The following CEP63 variants were observed in gnomAD, a reference collection of about 807,000 sequenced individuals.
CEP63 encodes the protein centrosomal protein of 63 kDa.
In CEP63, 84 loss-of-function variants were observed where a neutral mutation model predicts 89.1. That is an observed-to-expected ratio of 0.94 (90% CI 0.79 to 1.13). The LOEUF (loss-of-function observed/expected upper bound fraction) is 1.13. CEP63 is among the 50% of genes most tolerant of loss of function. CEP63 has a pLI of 0.00. For missense variants in CEP63, 838 were observed against 813.3 expected (o/e 1.03, Z -0.37); for synonymous variants, 267 against 272.5 (o/e 0.98, Z 0.20).
At position 134,562,241 on chromosome 3, in the gene CEP63, A is replaced by G; in HGVS notation, c.*706A>G. On this transcript the variant is annotated 3_prime_UTR_variant, in exon 15 of 15. Coordinates refer to ENST00000675561, the MANE Select transcript of CEP63 (RefSeq NM_001353108.3). ...GGACAAGTTTAGATGGGAGACAAAG[A>G]TCTGGATGTTGATGTGCCGCAGGCA... 1 of 983,440 alleles carries G rather than the reference A, an allele frequency of 1.0e-6. No individual in the cohort carries two copies. Among genetic ancestry groups the G allele is most frequent in the Non-Finnish European group, 1.2e-6 (1 of 827,842 alleles). 60.9% of individuals were successfully genotyped at this position (983,440 alleles called of 1,614,324 possible).
chr3:134,550,171 A>G lies in CEP63; in HGVS notation c.1291A>G (p.Ile431Val), dbSNP rs200076264. The G allele has an allele frequency of 5.0e-6, 8 of 1,612,256 alleles. No homozygotes were observed. In the African/African-American group the frequency reaches 6.7e-5, roughly 13 times the overall value. ...GGAGTTACATCAGCGAGATATCACT[A>G]TTGCTTCCACCAAAGGTTCTTCCTC... ...TQELHQRDIT[I>V]ASTKGSSSDM... The change falls in exon 11 of 15, where the codon ATT (isoleucine) becomes GTT (valine). Residue 431 changes from isoleucine (I) to valine (V), a missense_variant. Ile to Val is a conservative substitution (Grantham distance 29, BLOSUM62 3). Coordinates refer to ENST00000675561, the MANE Select transcript of CEP63 (RefSeq NM_001353108.3).
chr3:134,604,973 T>C, the CEP63 span, among the ~76,000 whole-genome samples: 1 of 152,062 alleles, frequency 6.6e-6, no homozygotes, highest in East Asian at 1.9e-4. Flanking sequence ...CCTGAGACTG[T>C]GCATAGGAGG....
At chr3:134,662,742 T>TAGCG in the CEP63 span, among the ~76,000 whole-genome samples, 6 of 152,222 alleles carry the variant, frequency 3.9e-5, no homozygotes, top group Non-Finnish European at 5.9e-5. Context: ...ACTTGACAGA[T>TAGCG]AGCGTCTGGG....
intron 12 of CEP63, chr3:134,553,648 G>A (rs1489787046): frequency 3.9e-5 from 6 of 152,166 alleles, no homozygotes; most frequent in African/African-American, 1.2e-4. Context: ...TATAGCCAGT[G>A]TTAGAAAGAT....
chr3:134,721,096 A>G, the CEP63 span, among the ~76,000 whole-genome samples: 18 of 152,126 alleles, frequency 1.2e-4, no homozygotes, highest in African/African-American at 3.9e-4. Context: ...CTTCCAAACT[A>G]TTAGCATGGT....
chr3:134,740,544 G>A, the CEP63 span, among the ~76,000 whole-genome samples: 512 of 152,156 alleles, frequency 3.4e-3, 3 homozygotes, highest in African/African-American at 0.012. Context: ...TGATCCGCCC[G>A]CCTTGGCCTC....
the CEP63 span, among the ~76,000 whole-genome samples, chr3:134,737,997 G>A: frequency 6.6e-6 from 1 of 152,164 alleles, no homozygotes; most frequent in African/African-American, 2.4e-5. Context: ...CTAGGTTCAA[G>A]GAGAGGGGTT....
the CEP63 span, among the ~76,000 whole-genome samples, chr3:134,688,739 C>T: frequency 1.3e-5 from 2 of 152,168 alleles, no homozygotes; most frequent in African/African-American, 4.8e-5. Flanking sequence ...GACTCCTCCA[C>T]CCACTTCCCC....
chr3:134,546,474 T>C (rs1298855822), intron 8 of CEP63, among the ~76,000 whole-genome samples, 186 bp downstream of exon 8: 1 of 152,146 alleles, frequency 6.6e-6, no homozygotes, highest in Non-Finnish European at 1.5e-5. Flanking sequence ...TTCTCCAGGC[T>C]CAGCCTCCCA....
At chr3:134,515,011 C>T (rs1485546222) in intron 3 of CEP63, among the ~76,000 whole-genome samples, 1 of 152,162 alleles carries the variant, frequency 6.6e-6, no homozygotes, top group Non-Finnish European at 1.5e-5. Flanking sequence ...TCACTGTGCC[C>T]AGCTAACGGT....
chr3:134,527,829 G>C (rs143048242), intron 3 of CEP63, among the ~76,000 whole-genome samples: 168 of 152,332 alleles, frequency 1.1e-3, no homozygotes, highest in Non-Finnish European at 2.2e-3. Flanking sequence ...GGGGTGGTCA[G>C]ATGAGACCGG....
intron 3 of CEP63, among the ~76,000 whole-genome samples, chr3:134,521,277 T>C (rs1433001277): frequency 6.6e-6 from 1 of 152,186 alleles, no homozygotes; most frequent in African/African-American, 2.4e-5. Flanking sequence ...ACTAAGTTAC[T>C]ATAGGGGTAT....
the CEP63 span, among the ~76,000 whole-genome samples, chr3:134,709,927 G>C: frequency 6.6e-6 from 1 of 152,190 alleles, no homozygotes; most frequent in African/African-American, 2.4e-5. Context: ...TAGTTAGATT[G>C]GGCACAGATT....
chr3:134,779,572 A>G, the CEP63 span, among the ~76,000 whole-genome samples: 1 of 152,354 alleles, frequency 6.6e-6, no homozygotes, highest in South Asian at 2.1e-4. Flanking sequence ...TTACACATGG[A>G]TGTTCATCTA....
At chr3:134,774,377 T>A in the CEP63 span, among the ~76,000 whole-genome samples, 1 of 152,230 alleles carries the variant, frequency 6.6e-6, no homozygotes, top group Non-Finnish European at 1.5e-5. Flanking sequence ...CATACCATGA[T>A]ACTAATGTAA....
the CEP63 span, chr3:134,603,178 G>C: frequency 6.2e-6 from 1 of 161,344 alleles, no homozygotes; most frequent in African/African-American, 2.4e-5. Context: ...GTCCCCTTGG[G>C]CATGGAAGAG....
chr3:134,539,858 C>T (rs887746038), intron 6 of CEP63, among the ~76,000 whole-genome samples: 13 of 151,954 alleles, frequency 8.6e-5, no homozygotes, highest in East Asian at 3.9e-4. Flanking sequence ...TGAGAAAATG[C>T]GGATAAAATG....
the CEP63 span, among the ~76,000 whole-genome samples, chr3:134,678,940 A>C: frequency 6.6e-6 from 1 of 152,132 alleles, no homozygotes. Context: ...CATTGTAACA[A>C]AGAATAGTTC....
the CEP63 span, chr3:134,629,314 A>G: frequency 1.1e-5 from 4 of 358,140 alleles, no homozygotes; most frequent in Admixed American, 8.1e-5. Flanking sequence ...TTTGCATGCC[A>G]CTTTTCTGGC....
Sources: gnomAD v4.1 joint callset for allele counts (sites outside exome capture counted in the v4.1 genomes callset) on GRCh38, gnomAD v4.1.1 for gene constraint, MANE v1.5 for transcripts, NCBI Gene and HGNC (gene_info 2026-07-23, HGNC 2026-07-21) for gene names.